The following TMEM135 variants were observed in gnomAD, a reference collection of about 807,000 sequenced individuals.
TMEM135 encodes the protein transmembrane protein 135, also known as peroxisomal membrane protein 52.
A neutral mutation model predicts 60.3 loss-of-function variants in TMEM135; 30 were observed. The ratio of observed to expected loss-of-function variants is 0.50; its 90% CI spans 0.37 to 0.68. TMEM135 has a LOEUF of 0.68. TMEM135 is among the 30% of genes least tolerant of loss of function. The probability of loss-of-function intolerance (pLI) is 0.00; values close to 1 mark genes in which losing one functional copy is unlikely to be tolerated. For missense variants in TMEM135, 468 were observed against 548.8 expected, an observed-to-expected ratio of 0.85 and a Z score of 1.47; for synonymous variants, 190 against 186.7, an observed-to-expected ratio of 1.02 and a Z score of -0.14.
chr11:87,077,196 A>G (rs1333838967), intron 3 of TMEM135, among the ~76,000 whole-genome samples: 1 of 152,186 alleles, frequency 6.6e-6, no homozygotes, highest in East Asian at 1.9e-4. Flanking sequence ...TTCTATATTT[A>G]TATCATTTCG....
chr11:87,235,982 A>G (rs1518386), intron 5 of TMEM135, among the ~76,000 whole-genome samples: 9,881 of 151,988 alleles, frequency 0.065, 346 homozygotes, highest in African/African-American at 0.087. Context: ...CAACTGGACT[A>G]TATTTTACAT....
At chr11:87,260,939 C>A (rs1051737685) in intron 6 of TMEM135, among the ~76,000 whole-genome samples, 2 of 152,054 alleles carry the variant, frequency 1.3e-5, no homozygotes, top group African/African-American at 2.4e-5. Flanking sequence ...CTCTCCCAGG[C>A]GATGCTAGTT....
intron 5 of TMEM135, among the ~76,000 whole-genome samples, chr11:87,207,551 A>G (rs1314163886): frequency 6.6e-6 from 1 of 152,214 alleles, no homozygotes; most frequent in Non-Finnish European, 1.5e-5. Context: ...AATCATCACC[A>G]TTTATTGAAC....
intron 4 of TMEM135, among the ~76,000 whole-genome samples, chr11:87,107,819 T>A (rs1236327659): frequency 1.3e-5 from 2 of 152,192 alleles, no homozygotes; most frequent in African/African-American, 4.8e-5. Context: ...TAGTTCTAGA[T>A]CCTTGAGGAA....
chr11:87,221,627 T>C (rs973853348), intron 5 of TMEM135, among the ~76,000 whole-genome samples: 4 of 152,154 alleles, frequency 2.6e-5, no homozygotes, highest in Admixed American at 1.3e-4. Flanking sequence ...GCAACTAGAA[T>C]ACAAAATAAA....
intron 5 of TMEM135, among the ~76,000 whole-genome samples, chr11:87,223,161 C>CTTTTTT (rs34711550): frequency 7.5e-6 from 1 of 133,780 alleles, no homozygotes; most frequent in African/African-American, 2.7e-5. Flanking sequence ...TTGAAAAGCA[C>CTTTTTT]TTTTTTTTTT....
chr11:87,052,913 C>T (rs975980969), intron 1 of TMEM135, among the ~76,000 whole-genome samples: 1 of 85,472 alleles, frequency 1.2e-5, no homozygotes, highest in African/African-American at 4.6e-5. Flanking sequence ...TGGAACCAAC[C>T]CAAATGTCCA....
rs1416510424 is a variant in TMEM135, at chr11:87,144,687, C to G, written c.397-12654C>G. On this transcript the variant is annotated intron_variant, in intron 4 of 14. Transcript: ENST00000305494. ...CACTCTATCTAACCATAATGTTTTACTGTATGTACTTTGTGTGTGAAAGTG... is the reference window on the plus strand; with the variant it reads ...CACTCTATCTAACCATAATGTTTTAGTGTATGTACTTTGTGTGTGAAAGTG... Among the ~76,000 whole-genome samples, 3 of 146,958 alleles carry G rather than the reference C, an allele frequency of 2.0e-5. No individual in the cohort carries two copies. The East Asian group carries it at 6.1e-4, about 30-fold the overall frequency.
chr11:87,290,041 AT>A (rs1273040973), intron 6 of TMEM135, among the ~76,000 whole-genome samples: 1 of 152,058 alleles, frequency 6.6e-6, no homozygotes, highest in Non-Finnish European at 1.5e-5. Flanking sequence ...GTTTGTAAAT[AT>A]TTTCTCCCAT....
chr11:87,256,005 A>G (rs1345803996), intron 6 of TMEM135, among the ~76,000 whole-genome samples: 1 of 152,214 alleles, frequency 6.6e-6, no homozygotes, highest in Non-Finnish European at 1.5e-5. Context: ...ATAATGAAAT[A>G]CATTGATGTT....
intron 4 of TMEM135, among the ~76,000 whole-genome samples, chr11:87,142,181 G>C (rs1409715032): frequency 6.6e-6 from 1 of 152,226 alleles, no homozygotes; most frequent in Middle Eastern, 3.2e-3. Context: ...TCTTGCCAGA[G>C]CATGGATGAG....
chr11:87,273,135 A>C (rs914656485), intron 6 of TMEM135, among the ~76,000 whole-genome samples: 3 of 152,194 alleles, frequency 2.0e-5, no homozygotes, highest in Non-Finnish European at 4.4e-5. Context: ...CACTAGGGCT[A>C]GGATACTGTA....
chr11:87,172,169 G>C (rs1376924308), intron 5 of TMEM135, among the ~76,000 whole-genome samples: 1 of 152,080 alleles, frequency 6.6e-6, no homozygotes, highest in Non-Finnish European at 1.5e-5. Flanking sequence ...TGTCTATGAG[G>C]TCCAGTTTGG....
chr11:87,249,169 A>G (rs1200293378), intron 6 of TMEM135, among the ~76,000 whole-genome samples: 1 of 152,152 alleles, frequency 6.6e-6, no homozygotes, highest in Admixed American at 6.6e-5. Flanking sequence ...GTTGTGTTCC[A>G]GATCTTAGAA....
intron 6 of TMEM135, among the ~76,000 whole-genome samples, chr11:87,245,658 A>T (rs1176374462): frequency 7.4e-6 from 1 of 135,376 alleles, no homozygotes; most frequent in Non-Finnish European, 1.6e-5. Context: ...GTTTTATCAG[A>T]GACTAGGATT....
chr11:87,136,215 T>TA (rs1448110967), intron 4 of TMEM135, among the ~76,000 whole-genome samples: 1 of 152,030 alleles, frequency 6.6e-6, no homozygotes, highest in Non-Finnish European at 1.5e-5. Flanking sequence ...TTATGAGAGT[T>TA]AAAAAAATTT....
rs146236738 is a variant in TMEM135, at chr11:87,241,401, C to A, written c.509+4717C>A. 6.1e-4 allele frequency among the ~76,000 whole-genome samples: 93 copies of A among 152,054 alleles called. 1 individual carries two copies. The highest frequency in any genetic ancestry group is 2.2e-3 in the African/African-American group (92 of 41,468). ...GGTATATAGTAGGTGTATATACTTA[C>A]AGGGTCCATGAGATGTTTTGATACA... is the stretch of plus-strand genomic sequence containing the variant. On this transcript the variant is annotated intron_variant, in intron 6 of 14. Coordinates refer to ENST00000305494, the MANE Select transcript of TMEM135 (RefSeq NM_022918.4).
intron 6 of TMEM135, among the ~76,000 whole-genome samples, chr11:87,290,456 T>G (rs940128485): frequency 6.6e-6 from 1 of 152,210 alleles, no homozygotes; most frequent in Non-Finnish European, 1.5e-5. Context: ...GTCACACCAA[T>G]GAACTACAAA....
intron 5 of TMEM135, among the ~76,000 whole-genome samples, chr11:87,167,404 T>C (rs899429849): frequency 2.0e-5 from 3 of 152,192 alleles, no homozygotes; most frequent in African/African-American, 7.2e-5. Context: ...AAGAGAATGC[T>C]TCCAGCTTTT....
Sources: gnomAD v4.1 joint callset for allele counts (sites outside exome capture counted in the v4.1 genomes callset) on GRCh38, gnomAD v4.1.1 for gene constraint, MANE v1.5 for transcripts, NCBI Gene and HGNC (gene_info 2026-07-23, HGNC 2026-07-21) for gene names.